The following MCPH1 variants were observed in gnomAD, a reference collection of about 807,000 sequenced individuals.
MCPH1 encodes the protein microcephalin 1.
Under a neutral mutation model 84.5 loss-of-function variants are expected in MCPH1, and 104 were observed. The observed-to-expected ratio is 1.23, with a 90% CI of 1.05 to 1.45. The LOEUF (loss-of-function observed/expected upper bound fraction) is 1.45. Among genes scored for constraint, MCPH1 ranks in the 40% most tolerant of loss-of-function variants. MCPH1 has a pLI of 0.00. For synonymous variants in MCPH1, 514 were observed against 366.8 expected (o/e 1.40, Z -4.58); for missense variants, 1,498 against 1,005.7 (o/e 1.49, Z -6.62).
chr8:6,576,970 C>CA (rs1685941330), intron 12 of MCPH1, among the ~76,000 whole-genome samples: 1 of 152,096 alleles, frequency 6.6e-6, no homozygotes, highest in Non-Finnish European at 1.5e-5. Context: ...GGGCCCTGCC[C>CA]ATTCTGCGGA....
chr8:6,570,838 G>C (rs1162571055), intron 12 of MCPH1, among the ~76,000 whole-genome samples: 1 of 129,122 alleles, frequency 7.7e-6, no homozygotes, highest in Non-Finnish European at 1.6e-5. Context: ...ACAAACTTAA[G>C]AGATTCCCGA....
chr8:6,588,522 C>G (rs973642124), intron 12 of MCPH1, among the ~76,000 whole-genome samples: 1 of 152,174 alleles, frequency 6.6e-6, no homozygotes, highest in Non-Finnish European at 1.5e-5. Context: ...TCAGACATCT[C>G]CCAGGGAGGC....
At chr8:6,600,072 A>C (rs952259669) in intron 12 of MCPH1, among the ~76,000 whole-genome samples, 1 of 152,270 alleles carries the variant, frequency 6.6e-6, no homozygotes, top group Admixed American at 6.5e-5. Flanking sequence ...AGTTCGCTTC[A>C]TGCTAAATAA....
chr8:6,610,997 A>T lies in MCPH1; in HGVS notation c.2215-10457A>T, dbSNP rs1830206910. 3.3e-5 allele frequency among the ~76,000 whole-genome samples: 5 copies of T among 151,762 alleles called. No homozygotes were observed. In the South Asian group the frequency reaches 8.3e-4, roughly 25 times the overall value. ...TCACCTCTACTCAGATGTCTCCCAG[A>T]CCCCTCTCCAGCTGCAAGCTGCAGG... is the stretch of plus-strand genomic sequence containing the variant. On this transcript the variant is annotated intron_variant, in intron 12 of 13. Transcript: ENST00000344683.
chr8:6,639,431 T>G (rs926943391), intron 13 of MCPH1, among the ~76,000 whole-genome samples: 2 of 152,156 alleles, frequency 1.3e-5, no homozygotes, highest in African/African-American at 4.8e-5. Context: ...GAAGCCAAGG[T>G]GAGTGGACTG....
intron 12 of MCPH1, chr8:6,513,752 A>G (rs1385846755): frequency 2.5e-6 from 4 of 1,614,026 alleles, no homozygotes; most frequent in Admixed American, 3.3e-5. Flanking sequence ...CCCAGTCTTT[A>G]AGGTGTATTT....
chr8:6,626,284 C>T lies in MCPH1; in HGVS notation c.2452+4593C>T, dbSNP rs765773297. 8 of 985,250 alleles carry T rather than the reference C, an allele frequency of 8.1e-6. No individual in the cohort carries two copies. The African/African-American group carries it at 1.2e-4, about 15-fold the overall frequency. 61.0% of individuals were successfully genotyped at this position (985,250 alleles called of 1,614,324 possible). On this transcript the variant is annotated intron_variant, in intron 13 of 13. Transcript: ENST00000344683. ...CAAAATGTAAGCCACGCCTCACTCA[C>T]TTGCTCCCTGGAGAATTTCATCTGC...
Position 6,548,474 on chromosome 8 carries a change from C to T in MCPH1, c.2214+48545C>T, listed in dbSNP as rs559768097. Among the ~76,000 whole-genome samples the T allele has an allele frequency of 1.1e-4, 17 of 152,218 alleles. No homozygotes were observed. The East Asian group carries it at 1.7e-3, about 16-fold the overall frequency. ...GTCGCTAGCTCTCCTCTGCCCAGCTCGAGGAAAATGCTGGGTTTTTCATTG... is the reference window on the plus strand; with the variant it reads ...GTCGCTAGCTCTCCTCTGCCCAGCTTGAGGAAAATGCTGGGTTTTTCATTG... On this transcript the variant is annotated intron_variant, in intron 12 of 13. Coordinates refer to ENST00000344683, the MANE Select transcript of MCPH1 (RefSeq NM_024596.5).
At chr8:6,556,806 C>A (rs1824695205) in intron 12 of MCPH1, among the ~76,000 whole-genome samples, 1 of 152,016 alleles carries the variant, frequency 6.6e-6, no homozygotes, top group African/African-American at 2.4e-5. Flanking sequence ...CCAGGCTGGT[C>A]TTGAACTCCT....
At chr8:6,473,685 C>T (rs900911183) in intron 9 of MCPH1, among the ~76,000 whole-genome samples, 8 of 152,144 alleles carry the variant, frequency 5.3e-5, no homozygotes, top group Admixed American at 1.3e-4. Flanking sequence ...TTAGCTTTCT[C>T]ATGGAGAAAA....
At chr8:6,445,876 C>A (rs755754767) in intron 8 of MCPH1, 18 of 1,057,670 alleles carry the variant, frequency 1.7e-5, no homozygotes, top group Middle Eastern at 8.9e-4. Context: ...GGAGTCTTGG[C>A]GCTGCAGCGT....
intron 12 of MCPH1, among the ~76,000 whole-genome samples, chr8:6,519,072 G>A (rs1816824405): frequency 6.6e-6 from 1 of 152,106 alleles, no homozygotes; most frequent in Non-Finnish European, 1.5e-5. Flanking sequence ...TGCAGTAATT[G>A]GACATATGCC....
rs1831404678 is a variant in MCPH1 at position 6,621,462 on chromosome 8, A to G, written c.2223A>G (p.Arg741=). Residue 741 remains arginine, a synonymous_variant, in exon 13 of 14, where the codon CGA becomes CGG. Coordinates refer to ENST00000344683, the MANE Select transcript of MCPH1 (RefSeq NM_024596.5). ...SHHFPAAPLC[R]SECHLSAGPY... is the part of the protein sequence containing the mutation. ...CTCTGTCTGCCCCACAGCTGTGCCG[A>G]AGCGAGTGCCACTTGTCTGCAGGGC... 2 of 1,613,926 alleles carry G rather than the reference A, an allele frequency of 1.2e-6. No individual in the cohort carries two copies. Among genetic ancestry groups the G allele is most frequent in the African/African-American group, 2.7e-5 (2 of 74,912 alleles).
chr8:6,457,209 A>G (rs1251280299), intron 9 of MCPH1, among the ~76,000 whole-genome samples: 1 of 152,204 alleles, frequency 6.6e-6, no homozygotes, highest in Non-Finnish European at 1.5e-5. Flanking sequence ...GTATTAGTAA[A>G]CTTTGCCCTC....
rs1004074174 is a variant in MCPH1 at position 6,531,848 on chromosome 8, C to G, written c.2214+31919C>G. On this transcript the variant is annotated intron_variant, in intron 12 of 13. Transcript: ENST00000344683. ...AGACGCTTCTCACTGTCCCACTTGT[C>G]TCCTTCTCCATAAACTCATTCCACA... Among the ~76,000 whole-genome samples, 5 of 152,222 alleles carry G rather than the reference C, an allele frequency of 3.3e-5. No homozygotes were observed. The South Asian group carries it at 8.3e-4, about 25-fold the overall frequency.
At chr8:6,553,812 A>G (rs1304107786) in intron 12 of MCPH1, among the ~76,000 whole-genome samples, 1 of 152,076 alleles carries the variant, frequency 6.6e-6, no homozygotes, top group Non-Finnish European at 1.5e-5. Context: ...GACGGTCCTT[A>G]TAAAGTCCCA....
chr8:6,545,447 T>C (rs1250804732), intron 12 of MCPH1, among the ~76,000 whole-genome samples: 1 of 152,228 alleles, frequency 6.6e-6, no homozygotes, highest in Admixed American at 6.5e-5. Context: ...TGGGTGGTTT[T>C]ATTTGTCTCT....
intron 11 of MCPH1, among the ~76,000 whole-genome samples, chr8:6,484,474 C>G (rs77973608): frequency 0.017 from 2,514 of 152,348 alleles, 64 homozygotes; most frequent in African/African-American, 0.057. Context: ...AACAGTTTGA[C>G]AGTTTCACAG....
At chr8:6,589,814 T>A (rs975420739) in intron 12 of MCPH1, among the ~76,000 whole-genome samples, 3 of 152,170 alleles carry the variant, frequency 2.0e-5, no homozygotes, top group African/African-American at 7.2e-5. Flanking sequence ...TGGGAATGCT[T>A]GTATACCTGA....
Sources: gnomAD v4.1 joint callset for allele counts (sites outside exome capture counted in the v4.1 genomes callset) on GRCh38, gnomAD v4.1.1 for gene constraint, MANE v1.5 for transcripts, NCBI Gene and HGNC (gene_info 2026-07-23, HGNC 2026-07-21) for gene names.